Variants in ZBTB32 observed in about 807,000 individuals in gnomAD.
ZBTB32 encodes the protein zinc finger and BTB domain-containing protein 32.
Under a neutral mutation model 45.3 loss-of-function variants are expected in ZBTB32, and 28 were observed. The observed-to-expected ratio is 0.62, with a 90% CI of 0.46 to 0.85. ZBTB32 has a LOEUF of 0.85. ZBTB32 is among the 40% of genes least tolerant of loss of function. ZBTB32 has a pLI of 0.00. For missense variants in ZBTB32, 587 were observed against 624.4 expected (o/e 0.94, Z 0.64); for synonymous variants, 283 against 255.7 (o/e 1.11, Z -1.02).
Position 35,716,453 on chromosome 19 carries a change from C to T in ZBTB32, c.1190-25C>T, listed in dbSNP as rs1275093861. The T allele has an allele frequency of 3.1e-6, 5 of 1,591,730 alleles. No homozygotes were observed. The South Asian group carries it at 4.5e-5, about 14-fold the overall frequency. On this transcript the variant is annotated intron_variant, in intron 6 of 6. Coordinates refer to ENST00000392197, the MANE Select transcript of ZBTB32 (RefSeq NM_014383.3). Reference sequence around the variant, plus strand: ...TTCGCCGCCTTCTTCCTTCCTTCACCGGCCTCCCCTTCCGACCGCTCTAGG... The same window carrying T: ...TTCGCCGCCTTCTTCCTTCCTTCACTGGCCTCCCCTTCCGACCGCTCTAGG...
At chr19:35,711,680 G>T (rs1469704439) in intron 1 of ZBTB32, among the ~76,000 whole-genome samples, 1 of 152,076 alleles carries the variant, frequency 6.6e-6, no homozygotes, top group Admixed American at 6.6e-5. Context: ...AGGAAGAAAC[G>T]GGAGCTTAGG....
chr19:35,709,513 G>C (rs1968630860), intron 1 of ZBTB32, among the ~76,000 whole-genome samples: 1 of 152,156 alleles, frequency 6.6e-6, no homozygotes, highest in African/African-American at 2.4e-5. Context: ...TTTGCAGCCA[G>C]GGTGTGCCCC....
At chr19:35,706,347 C>T (rs1329252884) in intron 1 of ZBTB32, among the ~76,000 whole-genome samples, 2 of 151,856 alleles carry the variant, frequency 1.3e-5, no homozygotes, top group African/African-American at 2.4e-5. Flanking sequence ...GCTGTAGGTG[C>T]GGGGCAGGTG....
chr19:35,716,760 T>C lies in ZBTB32; in HGVS notation c.*8T>C, dbSNP rs1026785313. The C allele has an allele frequency of 6.3e-7, 1 of 1,596,350 alleles. No homozygotes were observed. The highest frequency in any genetic ancestry group is 8.6e-7 in the Non-Finnish European group (1 of 1,166,086). On this transcript the variant is annotated 3_prime_UTR_variant, in exon 7 of 7. Coordinates refer to ENST00000392197, the MANE Select transcript of ZBTB32 (RefSeq NM_014383.3). The stretch of plus-strand genomic sequence containing the variant: ...TCTTCCTCCACCACCTGACGGGGTG[T>C]CGGTAGCGTCTTAGCCAAGAGTCCA...
intron 1 of ZBTB32, among the ~76,000 whole-genome samples, chr19:35,711,980 G>C (rs1294956631): frequency 7.1e-6 from 1 of 140,024 alleles, no homozygotes; most frequent in African/African-American, 2.8e-5. Context: ...AGCTGAGATT[G>C]CGCCACTGCA....
At chr19:35,709,443 C>T (rs564193202) in intron 1 of ZBTB32, among the ~76,000 whole-genome samples, 1 of 152,148 alleles carries the variant, frequency 6.6e-6, no homozygotes, top group East Asian at 1.9e-4. Flanking sequence ...GACATTGTTA[C>T]ATCAAGCTGG....
At chr19:35,716,380 C>T in intron 6 of ZBTB32, 83 bp downstream of exon 6, 1 of 1,593,000 alleles carries the variant, frequency 6.3e-7, no homozygotes. Flanking sequence ...CCGGTTCCCG[C>T]GCAATCCCCT....
At chr19:35,715,864 C>T (rs1294855577) in intron 4 of ZBTB32, 34 bp downstream of exon 4, 2 of 1,611,424 alleles carry the variant, frequency 1.2e-6, no homozygotes, top group Non-Finnish European at 1.7e-6. Context: ...ACACCTGTAA[C>T]ATGGTGTCTT....
At chr19:35,706,756 C>T (rs1195012657) in intron 1 of ZBTB32, among the ~76,000 whole-genome samples, 2 of 151,994 alleles carry the variant, frequency 1.3e-5, no homozygotes, top group African/African-American at 4.8e-5. Flanking sequence ...AGGAAATCAC[C>T]CAGGTTGTCT....
rs556677025 is a variant in ZBTB32, at chr19:35,709,699, G to A, written c.-221-3218G>A. Among the ~76,000 whole-genome samples, 197 of 152,182 alleles carry A rather than the reference G, an allele frequency of 1.3e-3. 1 individual carries two copies. Among genetic ancestry groups the A allele is most frequent in the Non-Finnish European group, 2.1e-3 (141 of 68,002 alleles). On this transcript the variant is annotated intron_variant, in intron 1 of 6. Coordinates refer to ENST00000392197, the MANE Select transcript of ZBTB32 (RefSeq NM_014383.3). Reference sequence around the variant, plus strand: ...TCGAGACCAGCCTGGCCAACATGGTGAAACCCTGTCTCTACTAAAAATACA... The same window carrying A: ...TCGAGACCAGCCTGGCCAACATGGTAAAACCCTGTCTCTACTAAAAATACA...
chr19:35,716,508 C>T lies in ZBTB32; in HGVS notation c.1220C>T (p.Pro407Leu). ...AAGCCCTTCTCCTGTAGCCTTTGTC[C>T]TCAGCGCTCCCGGGACTTCTCGGCC... The part of the protein sequence containing the change: ...GEKPFSCSLC[P>L]QRSRDFSAMT... Residue 407 changes from proline (P) to leucine (L), a missense_variant, in exon 7 of 7, where the codon CCT becomes CTT. Pro to Leu is a moderately conservative substitution (Grantham distance 98, BLOSUM62 -3). Transcript: ENST00000392197. 3 of 1,610,778 alleles carry T rather than the reference C, an allele frequency of 1.9e-6. No individual in the cohort carries two copies. Among genetic ancestry groups the T allele is most frequent in the Non-Finnish European group, 2.5e-6 (3 of 1,177,902 alleles).
chr19:35,715,929 T>C lies in ZBTB32; in HGVS notation c.956-10T>C, dbSNP rs758006244. ...TGAGCAGGGCCCCTACCTCCCACTGTTCCTTCCAGGTTCCCTCCCCCAGGG... is the reference window on the plus strand; with the variant it reads ...TGAGCAGGGCCCCTACCTCCCACTGCTCCTTCCAGGTTCCCTCCCCCAGGG... On this transcript the variant is annotated splice_polypyrimidine_tract_variant and intron_variant, in intron 4 of 6. Coordinates refer to ENST00000392197, the MANE Select transcript of ZBTB32 (RefSeq NM_014383.3). 1.9e-6 allele frequency: 3 copies of C among 1,612,936 alleles called. No homozygotes were observed. Among genetic ancestry groups the C allele is most frequent in the Non-Finnish European group, 2.5e-6 (3 of 1,179,522 alleles).
chr19:35,708,522 TGG>T (rs1223189232), intron 1 of ZBTB32, among the ~76,000 whole-genome samples: 1 of 152,230 alleles, frequency 6.6e-6, no homozygotes, highest in African/African-American at 2.4e-5. Context: ...TTGAGGGTCT[TGG>T]AAGACTTAGC....
Position 35,707,609 on chromosome 19 carries a change from C to T in ZBTB32, c.-222+2986C>T, listed in dbSNP as rs182847150. Among the ~76,000 whole-genome samples the T allele has an allele frequency of 6.9e-3, 1,043 of 152,066 alleles. 6 individuals are homozygous for T. The highest frequency in any genetic ancestry group is 0.011 in the Non-Finnish European group (743 of 67,974). ...GGTCTCTATCTCTTCACCTTGTGAT[C>T]CGCCCACCTCGGCCTCCCAAAGTGC... On this transcript the variant is annotated intron_variant, in intron 1 of 6. Coordinates refer to ENST00000392197, the MANE Select transcript of ZBTB32 (RefSeq NM_014383.3).
At chr19:35,713,574 G>C (rs2146416990) in intron 2 of ZBTB32, 2 of 152,344 alleles carry the variant, frequency 1.3e-5, no homozygotes, top group South Asian at 4.2e-4. Flanking sequence ...CTGCCCCAAG[G>C]GCCCTTGCTC....
intron 1 of ZBTB32, among the ~76,000 whole-genome samples, chr19:35,712,286 A>AC (rs1259903047): frequency 6.6e-6 from 1 of 152,114 alleles, no homozygotes; most frequent in Non-Finnish European, 1.5e-5. Flanking sequence ...ACATAGTGAG[A>AC]CCCCTGTCTC....
intron 1 of ZBTB32, among the ~76,000 whole-genome samples, chr19:35,709,620 C>T (rs754461329): frequency 4.6e-5 from 7 of 152,178 alleles, no homozygotes; most frequent in Non-Finnish European, 7.3e-5. Context: ...GTGCCTCATG[C>T]CTGTATCACA....
At chr19:35,706,669 G>T (rs763182285) in intron 1 of ZBTB32, among the ~76,000 whole-genome samples, 1 of 152,082 alleles carries the variant, frequency 6.6e-6, no homozygotes, top group East Asian at 1.9e-4. Context: ...GCAGTGAGCC[G>T]AGATCGCGCC....
chr19:35,709,878 CA>C (rs35096787), intron 1 of ZBTB32, among the ~76,000 whole-genome samples: 71 of 137,646 alleles, frequency 5.2e-4, no homozygotes, highest in Admixed American at 6.5e-4. Context: ...GACTCTGTCT[CA>C]AAAAAAAAAA....
Sources: allele counts gnomAD v4.1 joint callset (sites outside exome capture counted in the v4.1 genomes callset), GRCh38; gene constraint gnomAD v4.1.1; transcripts MANE v1.5; gene names NCBI Gene and HGNC (gene_info 2026-07-23, HGNC 2026-07-21).